Variants in KDM4B observed in about 807,000 individuals in gnomAD.
KDM4B encodes the protein lysine-specific demethylase 4B.
In KDM4B, 32 loss-of-function variants were observed where a neutral mutation model predicts 125.2. That is an observed-to-expected ratio of 0.26 (90% CI 0.19 to 0.34). KDM4B has a LOEUF of 0.34. Ranked by LOEUF, KDM4B falls within the 10% of genes least tolerant of loss-of-function variation. KDM4B has a pLI of 1.00. For missense variants in KDM4B, 1,190 were observed against 1,577.7 expected, an observed-to-expected ratio of 0.75 and a Z score of 4.16; for synonymous variants, 721 against 677.9, an observed-to-expected ratio of 1.06 and a Z score of -0.99.
At position 5,042,658 on chromosome 19, in the gene KDM4B, A is replaced by G. The variant is rs191956955; in HGVS notation, c.432+1407A>G. ...GCAAAGGTGAAGGAGGAGCTGATCCATCTTACACAGCAGGAGAGAGTGAGG... is the reference window on the plus strand; with the variant it reads ...GCAAAGGTGAAGGAGGAGCTGATCCGTCTTACACAGCAGGAGAGAGTGAGG... On this transcript the variant is annotated intron_variant, in intron 5 of 22. Transcript: ENST00000159111. Among the ~76,000 whole-genome samples the G allele has an allele frequency of 2.0e-5, 3 of 151,896 alleles. No homozygotes were observed. In the East Asian group the frequency reaches 5.9e-4, roughly 30 times the overall value.
chr19:5,136,648 C>T (rs981788356), intron 15 of KDM4B, among the ~76,000 whole-genome samples: 5 of 152,132 alleles, frequency 3.3e-5, no homozygotes, highest in East Asian at 1.9e-4. Context: ...CACCCCCAGC[C>T]GTGCCCACCA....
intron 6 of KDM4B, among the ~76,000 whole-genome samples, chr19:5,050,041 C>T (rs2037170080): frequency 1.3e-5 from 2 of 152,174 alleles, no homozygotes; most frequent in African/African-American, 4.8e-5. Flanking sequence ...GGTAGGGCTC[C>T]CAGCCAAGAG....
chr19:5,096,674 C>CCGTTTCT (rs1354638660), intron 9 of KDM4B, among the ~76,000 whole-genome samples: 3 of 150,936 alleles, frequency 2.0e-5, no homozygotes, highest in Admixed American at 6.6e-5. Flanking sequence ...AAGTGTCCCG[C>CCGTTTCT]GGTGCCCCCG....
At chr19:5,086,649 C>T (rs541718256) in intron 9 of KDM4B, among the ~76,000 whole-genome samples, 13 of 152,334 alleles carry the variant, frequency 8.5e-5, no homozygotes, top group African/African-American at 2.4e-4. Flanking sequence ...ACCTCCTCCC[C>T]CCCCCAGCCC....
chr19:5,032,816 G>C, intron 2 of KDM4B, 50 bp from the exon 3 acceptor site: 1 of 1,536,192 alleles, frequency 6.5e-7, no homozygotes, highest in Non-Finnish European at 8.9e-7. Context: ...GGCTCCAAGG[G>C]CTGGGCATGG....
chr19:5,033,555 C>T (rs78313622), intron 3 of KDM4B, among the ~76,000 whole-genome samples: 6,671 of 151,636 alleles, frequency 0.044, 198 homozygotes, highest in Non-Finnish European at 0.067. Context: ...GCTCCTGCCC[C>T]GGCAGCAGAG....
intron 9 of KDM4B, among the ~76,000 whole-genome samples, chr19:5,084,024 A>C (rs1185425374): frequency 6.6e-6 from 1 of 152,042 alleles, no homozygotes; most frequent in African/African-American, 2.4e-5. Context: ...AGGTGGGCGG[A>C]TCATTTGAGG....
chr19:5,031,790 C>T (rs927804903), intron 2 of KDM4B, among the ~76,000 whole-genome samples: 2 of 152,194 alleles, frequency 1.3e-5, no homozygotes, highest in African/African-American at 2.4e-5. Context: ...CCTCTAGTGC[C>T]CGCAGTGGGG....
rs2039954107 is a variant in KDM4B at position 5,151,859 on chromosome 19, C to T, written c.*348C>T. ...GTACATAAACCACCTTTGTGAGGCTCTTTCTATAAATACATATTGTTTAAA... is the reference window on the plus strand; with the variant it reads ...GTACATAAACCACCTTTGTGAGGCTTTTTCTATAAATACATATTGTTTAAA... On this transcript the variant is annotated 3_prime_UTR_variant, in exon 23 of 23. Coordinates refer to ENST00000159111, the MANE Select transcript of KDM4B (RefSeq NM_015015.3). 4.0e-6 allele frequency: 1 copy of T among 251,506 alleles called. No individual in the cohort carries two copies. Among genetic ancestry groups the T allele is most frequent in the Non-Finnish European group, 7.5e-6 (1 of 132,660 alleles). 15.6% of individuals were successfully genotyped at this position (251,506 alleles called of 1,614,324 possible). A position where few individuals can be genotyped will look rare whatever the true frequency, so the allele number is the denominator to read the frequency against.
chr19:5,032,722 C>A, intron 2 of KDM4B, 144 bp from the exon 3 acceptor site: 1 of 671,518 alleles, frequency 1.5e-6, no homozygotes, highest in Non-Finnish European at 2.5e-6. Flanking sequence ...TCTCTTCTGC[C>A]CTCACTCAGC....
At chr19:5,100,031 C>T (rs910779247) in intron 9 of KDM4B, among the ~76,000 whole-genome samples, 8 of 152,248 alleles carry the variant, frequency 5.3e-5, no homozygotes, top group African/African-American at 1.7e-4. Flanking sequence ...GAAGGCTGCA[C>T]CCATCCGTGG....
chr19:5,138,138 AC>A lies in KDM4B; in HGVS notation c.2550+70del, dbSNP rs764518817. The A allele has an allele frequency of 5.2e-4, 634 of 1,223,894 alleles. 6 individuals are homozygous for A. The highest frequency in any genetic ancestry group is 9.4e-4 in the Admixed American group (48 of 50,980). The allele number at this position is 1,223,894 out of a possible 1,614,324, so 75.8% of individuals were successfully genotyped here. A position where few individuals can be genotyped will look rare whatever the true frequency, so the allele number is the denominator to read the frequency against. ...GGCTGCCGGCCATGCTCGGCTCCCC[AC>A]CTGCGCGATCTGAAGCGGTCTTTCC... is the stretch of plus-strand genomic sequence containing the variant. On this transcript the variant is annotated intron_variant, in intron 18 of 22. Transcript: ENST00000159111.
chr19:5,025,649 G>A lies in KDM4B; in HGVS notation c.-25-7217G>A, dbSNP rs529984465. 2.0e-5 allele frequency among the ~76,000 whole-genome samples: 3 copies of A among 152,222 alleles called. No homozygotes were observed. The East Asian group carries it at 5.8e-4, about 29-fold the overall frequency. On this transcript the variant is annotated intron_variant, in intron 2 of 22. Transcript: ENST00000159111. ...ACCCTGGTCTAGCCTCGATCCTGCC[G>A]CCTCCTCTGCGCTCCCTGCCATCCG...
chr19:5,008,368 T>C (rs2035624176), intron 1 of KDM4B, among the ~76,000 whole-genome samples: 1 of 152,226 alleles, frequency 6.6e-6, no homozygotes, highest in Non-Finnish European at 1.5e-5. Flanking sequence ...CCCGTTTATC[T>C]AATGTCTGTA....
chr19:5,119,931 C>G, intron 11 of KDM4B, 79 bp downstream of exon 11: 1 of 1,466,446 alleles, frequency 6.8e-7, no homozygotes, highest in Non-Finnish European at 9.1e-7. Flanking sequence ...CCAGTGCCTG[C>G]TACAGCCAGA....
chr19:5,010,927 C>G (rs940318049), intron 1 of KDM4B, among the ~76,000 whole-genome samples: 1 of 152,216 alleles, frequency 6.6e-6, no homozygotes, highest in Non-Finnish European at 1.5e-5. Context: ...GGATTACAGG[C>G]GTGAGCCACT....
At chr19:5,111,854 C>G in intron 10 of KDM4B, 1 of 763,816 alleles carries the variant, frequency 1.3e-6, no homozygotes, top group Non-Finnish European at 2.4e-6. Flanking sequence ...CGAAGAAATG[C>G]GCGTGGCTGT....
chr19:4,977,441 C>T (rs1324982367), intron 1 of KDM4B, among the ~76,000 whole-genome samples: 2 of 152,166 alleles, frequency 1.3e-5, no homozygotes, highest in African/African-American at 4.8e-5. Flanking sequence ...GCTGTGAAAA[C>T]GTCAGCTGAG....
rs573728394 is a variant in KDM4B at position 5,043,343 on chromosome 19, G to A, written c.432+2092G>A. Among the ~76,000 whole-genome samples, 6 of 149,172 alleles carry A rather than the reference G, an allele frequency of 4.0e-5. No individual in the cohort carries two copies. The South Asian group carries it at 1.3e-3, about 33-fold the overall frequency. ...TGGGGTGTCCACCTTATCCTGCGCA[G>A]CATTTATCGGAGTGGGGGTGTCCAC... On this transcript the variant is annotated intron_variant, in intron 5 of 22. Coordinates refer to ENST00000159111, the MANE Select transcript of KDM4B (RefSeq NM_015015.3).
Sources: allele counts gnomAD v4.1 joint callset (sites outside exome capture counted in the v4.1 genomes callset), GRCh38; gene constraint gnomAD v4.1.1; transcripts MANE v1.5; gene names NCBI Gene and HGNC (gene_info 2026-07-23, HGNC 2026-07-21).